LOC400499: variants seen among roughly 807,000 people sequenced by gnomAD.
At chr16:11,441,611 T>C in the LOC400499 span, among the ~76,000 whole-genome samples, 54 of 122,712 alleles carry the variant, frequency 4.4e-4, no homozygotes, top group Middle Eastern at 0.013. Context: ...TGTGATTGGA[T>C]TGAGGATCTT....
the LOC400499 span, chr16:11,467,267 T>A: frequency 3.9e-5 from 5 of 128,262 alleles, no homozygotes; most frequent in African/African-American, 1.5e-4. Flanking sequence ...AGCTATATTT[T>A]TGAGTAAAAA....
At chr16:11,407,237 A>C in the LOC400499 span, 1 of 399,028 alleles carries the variant, frequency 2.5e-6, no homozygotes, top group African/African-American at 2.1e-5. Context: ...GAAATTGTTG[A>C]GACCGGCCTT....
At chr16:11,440,687 C>G in the LOC400499 span, 31 of 398,944 alleles carry the variant, frequency 7.8e-5, no homozygotes, top group African/African-American at 6.0e-4. Context: ...TAAGACCCGG[C>G]CTCCCTCGGC....
chr16:11,454,777 G>T, the LOC400499 span, among the ~76,000 whole-genome samples: 1 of 152,196 alleles, frequency 6.6e-6, no homozygotes, highest in Non-Finnish European at 1.5e-5. Context: ...GCTTTCTTTG[G>T]AAGCTACTGA....
the LOC400499 span, among the ~76,000 whole-genome samples, chr16:11,382,646 A>ATTC: frequency 6.6e-6 from 1 of 151,442 alleles, no homozygotes; most frequent in South Asian, 2.1e-4. Context: ...AGTGGTGTAC[A>ATTC]TTCAAATCCC....
At chr16:11,393,499 G>C in the LOC400499 span, 1 of 1,232,400 alleles carries the variant, frequency 8.1e-7, no homozygotes, top group Non-Finnish European at 1.0e-6. Context: ...ACCAGGCTTT[G>C]AGAAGTCGAG....
At chr16:11,376,319 TAC>T in the LOC400499 span, among the ~76,000 whole-genome samples, 1 of 152,188 alleles carries the variant, frequency 6.6e-6, no homozygotes, top group African/African-American at 2.4e-5. Context: ...TTTTAGCTCT[TAC>T]AGTTAGGTCT....
chr16:11,422,184 T>C, the LOC400499 span, among the ~76,000 whole-genome samples: 5 of 152,198 alleles, frequency 3.3e-5, no homozygotes, highest in Non-Finnish European at 7.3e-5. Context: ...GCCGATCACT[T>C]GAGGTCAGGA....
chr16:11,408,472 T>TTC, the LOC400499 span, among the ~76,000 whole-genome samples: 2 of 137,506 alleles, frequency 1.5e-5, no homozygotes, highest in Admixed American at 7.3e-5. Context: ...TTTTTTTTTT[T>TTC]AGACAGAGAC....
chr16:11,513,555 C>T, the LOC400499 span, among the ~76,000 whole-genome samples: 112 of 152,102 alleles, frequency 7.4e-4, no homozygotes, highest in East Asian at 0.018. Context: ...TTCAGCCTCC[C>T]GAGTAGCTGG....
At chr16:11,470,114 T>C in the LOC400499 span, among the ~76,000 whole-genome samples, 1 of 152,192 alleles carries the variant, frequency 6.6e-6, no homozygotes, top group Non-Finnish European at 1.5e-5. Context: ...GGTTTCACCA[T>C]GTTGGCCAGG....
the LOC400499 span, chr16:11,472,915 G>C: frequency 6.6e-6 from 1 of 152,046 alleles, no homozygotes; most frequent in Non-Finnish European, 1.5e-5. Flanking sequence ...ATCACCTGAG[G>C]TCAAGAGTAC....
chr16:11,444,622 G>A, the LOC400499 span, among the ~76,000 whole-genome samples: 3 of 152,290 alleles, frequency 2.0e-5, no homozygotes, highest in East Asian at 5.8e-4. Context: ...AGAAAAGTTT[G>A]TTGACCTCTG....
At chr16:11,510,130 G>C in the LOC400499 span, among the ~76,000 whole-genome samples, 1 of 151,574 alleles carries the variant, frequency 6.6e-6, no homozygotes, top group African/African-American at 2.4e-5. Context: ...AAACTTCCCT[G>C]AGCCCCGCTT....
At chr16:11,393,848 C>T in the LOC400499 span, among the ~76,000 whole-genome samples, 2 of 152,188 alleles carry the variant, frequency 1.3e-5, no homozygotes, top group Non-Finnish European at 2.9e-5. Flanking sequence ...GAGGCCAAGA[C>T]GGGTGGATCG....
At chr16:11,384,752 C>A in the LOC400499 span, 2 of 732,858 alleles carry the variant, frequency 2.7e-6, no homozygotes, top group Non-Finnish European at 3.8e-6. Context: ...TGAGGGCACA[C>A]GCGCTGCCAT....
the LOC400499 span, chr16:11,401,236 G>A: frequency 5.0e-6 from 2 of 399,096 alleles, no homozygotes; most frequent in African/African-American, 2.1e-5. Flanking sequence ...TCCAGCCCCG[G>A]CCAAGGGCGC....
the LOC400499 span, among the ~76,000 whole-genome samples, chr16:11,417,231 A>T: frequency 6.6e-6 from 1 of 151,896 alleles, no homozygotes; most frequent in Non-Finnish European, 1.5e-5. Context: ...TCCACTGTGG[A>T]TTGTTTTTAT....
At chr16:11,493,704 G>T in the LOC400499 span, 1 of 397,132 alleles carries the variant, frequency 2.5e-6, no homozygotes, top group East Asian at 3.6e-5. Context: ...TCTCGGGTGT[G>T]CTGCTTCTCA....
Sources: gnomAD v4.1 joint callset for allele counts (sites outside exome capture counted in the v4.1 genomes callset) on GRCh38, gnomAD v4.1.1 for gene constraint, MANE v1.5 for transcripts.